The following KDM1B variants were observed in gnomAD, a reference collection of about 807,000 sequenced individuals.
KDM1B encodes the protein lysine-specific histone demethylase 2.
Under a neutral mutation model 107.4 loss-of-function variants are expected in KDM1B, and 63 were observed. The ratio of observed to expected loss-of-function variants is 0.59; its 90% confidence interval spans 0.48 to 0.72. The LOEUF is 0.72. Ranked by LOEUF, KDM1B falls within the 30% of genes least tolerant of loss-of-function variation. The pLI is 0.00. For missense variants in KDM1B, 749 were observed against 1,020.8 expected, an observed-to-expected ratio of 0.73 and a Z score of 3.63; for synonymous variants, 363 against 363.9, an observed-to-expected ratio of 1.00 and a Z score of 0.03.
chr6:18,193,297 T>G (rs1234739880), intron 10 of KDM1B, among the ~76,000 whole-genome samples: 2 of 140,578 alleles, frequency 1.4e-5, no homozygotes, highest in South Asian at 2.2e-4. Context: ...ATGTGTGCTT[T>G]CTTTTTTTTT....
intron 10 of KDM1B, among the ~76,000 whole-genome samples, chr6:18,195,426 T>G (rs1787576718): frequency 6.6e-6 from 1 of 152,142 alleles, no homozygotes; most frequent in Non-Finnish European, 1.5e-5. Context: ...CAATCTGATG[T>G]TTTGAAATAC....
rs55965342 is a variant in KDM1B, at chr6:18,193,357, A to T, written c.969+1976A>T. 2.7e-3 allele frequency among the ~76,000 whole-genome samples: 344 copies of T among 127,736 alleles called. 2 individuals are homozygous for T. Among genetic ancestry groups the T allele is most frequent in the African/African-American group, 9.9e-3 (324 of 32,712 alleles). 83.8% of individuals were successfully genotyped at this position (127,736 alleles called of 152,430 possible). On this transcript the variant is annotated intron_variant, in intron 10 of 21. Transcript: ENST00000650836. ...CTTGTTCTGTTGCCCAGGCTGGAGTACAGTGGCACCATCACAGCTCACTAC... is the reference window on the plus strand; with the variant it reads ...CTTGTTCTGTTGCCCAGGCTGGAGTTCAGTGGCACCATCACAGCTCACTAC...
In KDM1B at chr6:18,209,462, T is replaced by C. The variant is rs964095605; in HGVS notation, c.1866+1256T>C. Among the ~76,000 whole-genome samples the C allele has an allele frequency of 6.6e-6, 1 of 152,118 alleles. No individual in the cohort carries two copies. The highest frequency in any genetic ancestry group is 1.5e-5 in the Non-Finnish European group (1 of 68,024). ...GGAATGAGTTAGTCGGGGCAGGGGA[T>C]CCTAACATTATTCCTGCCATTAACC... On this transcript the variant is annotated intron_variant, in intron 17 of 21. Coordinates refer to ENST00000650836, the MANE Select transcript of KDM1B (RefSeq NM_001364614.2). This position sits in a 1 kb window ranked among gnomAD's most constrained non-coding sequence, Gnocchi z 4.3.
Position 18,215,064 on chromosome 6 carries a change from A to G in KDM1B, c.2167A>G (p.Thr723Ala). 2 of 1,614,004 alleles carry G rather than the reference A, an allele frequency of 1.2e-6. No homozygotes were observed. Among genetic ancestry groups the G allele is most frequent in the Non-Finnish European group, 1.7e-6 (2 of 1,179,986 alleles). ...CGGGGAGGCTGTCGCATCCGTGAGG[A>G]CCCTGGATGACAAACAGGTGCTGCA... ...IAGEAVASVR[T>A]LDDKQVLQQC... is the part of the protein sequence containing the mutation. Residue 723 changes from threonine (T) to alanine (A), a missense_variant, in exon 20 of 22, where the codon ACC becomes GCC. Transcript: ENST00000650836.
chr6:18,173,472 A>G (rs1274255947), intron 7 of KDM1B, among the ~76,000 whole-genome samples: 1 of 151,972 alleles, frequency 6.6e-6, no homozygotes, highest in African/African-American at 2.4e-5. Flanking sequence ...TCATTTTCTG[A>G]ATAGGTCTTT....
chr6:18,206,725 T>G (rs1471291982), intron 15 of KDM1B, among the ~76,000 whole-genome samples: 1 of 152,118 alleles, frequency 6.6e-6, no homozygotes, highest in East Asian at 1.9e-4. Flanking sequence ...GCACCAGGAC[T>G]TGTCTCTTTA....
In KDM1B at chr6:18,197,271, A is replaced by G. The variant is rs748195980; in HGVS notation, c.1146+38A>G. On this transcript the variant is annotated intron_variant, in intron 11 of 21. Coordinates refer to ENST00000650836, the MANE Select transcript of KDM1B (RefSeq NM_001364614.2). This position sits in a 1 kb window ranked among gnomAD's most constrained non-coding sequence, Gnocchi z 4.5. The stretch of plus-strand genomic sequence containing the variant: ...AGCTTTAGCGATAGCCTTGCCATTG[A>G]TCAGGACAAACGCTAGTCTGTTGCT... 3 of 1,571,968 alleles carry G rather than the reference A, an allele frequency of 1.9e-6. No individual in the cohort carries two copies. The highest frequency in any genetic ancestry group is 1.1e-5 in the South Asian group (1 of 89,482).
At chr6:18,167,218 G>A (rs902102883) in intron 6 of KDM1B, among the ~76,000 whole-genome samples, 3 of 151,688 alleles carry the variant, frequency 2.0e-5, no homozygotes, top group South Asian at 2.1e-4. Flanking sequence ...TTAGCCGGGC[G>A]TGGTGGCGCG....
chr6:18,187,708 A>G, intron 8 of KDM1B, 84 bp from the exon 9 acceptor site: 2 of 904,682 alleles, frequency 2.2e-6, no homozygotes, highest in East Asian at 2.7e-5. Context: ...AGTGAAACGA[A>G]GAGAACCCTC....
Position 18,185,855 on chromosome 6 carries a change from G to GA in KDM1B, c.573+46dup, listed in dbSNP as rs777905684. On this transcript the variant is annotated intron_variant, in intron 8 of 21. Transcript: ENST00000650836. The stretch of plus-strand genomic sequence containing the variant: ...GTGGATTGGGGTTAATTGTGCCTTT[G>GA]ATGATAAGTGTTACAAGGAAATGAT... The GA allele has an allele frequency of 1.2e-5, 18 of 1,559,746 alleles. No individual in the cohort carries two copies. The East Asian group carries it at 3.8e-4, about 33-fold the overall frequency.
Position 18,171,424 on chromosome 6 carries a change from CTCCACAGATAGCCAAGACTT to C in KDM1B, c.480_499del (p.Pro161SerfsTer11). 6.2e-7 allele frequency: 1 copy of C among 1,613,704 alleles called. No individual in the cohort carries two copies. Among genetic ancestry groups the C allele is most frequent in the Non-Finnish European group, 8.5e-7 (1 of 1,179,610 alleles). On this transcript the variant is annotated frameshift_variant, in exon 7 of 22. Coordinates refer to ENST00000650836, the MANE Select transcript of KDM1B (RefSeq NM_001364614.2). LOFTEE classifies it high-confidence loss of function. ...CAGCTTACCAAGGAAATCCAGCTTA[CTCCACAGATAGCCAAGACTT>C]ATCGATGCGGTATGAAACCAAATAC...
intron 20 of KDM1B, among the ~76,000 whole-genome samples, chr6:18,215,341 C>T (rs1381800940): frequency 6.6e-6 from 1 of 152,224 alleles, no homozygotes; most frequent in East Asian, 1.9e-4. Context: ...CTGCCTTAGA[C>T]AACAGAAACT....
chr6:18,175,526 G>A (rs894290106), intron 7 of KDM1B, among the ~76,000 whole-genome samples: 1 of 152,136 alleles, frequency 6.6e-6, no homozygotes, highest in Non-Finnish European at 1.5e-5. Flanking sequence ...TTGGATTTGG[G>A]TTCTTGGTCA....
At chr6:18,188,145 G>T in intron 9 of KDM1B, 143 bp downstream of exon 9, 3 of 743,550 alleles carry the variant, frequency 4.0e-6, no homozygotes. Flanking sequence ...AGCACTTTGG[G>T]TGGCCGAGGC....
intron 7 of KDM1B, among the ~76,000 whole-genome samples, chr6:18,185,182 G>A (rs991569522): frequency 6.6e-6 from 1 of 152,094 alleles, no homozygotes; most frequent in East Asian, 1.9e-4. Context: ...AAAAGATAAT[G>A]TCAAATGATT....
Position 18,221,964 on chromosome 6 carries a change from G to A in KDM1B, c.2441G>A (p.Arg814Gln). Residue 814 changes from arginine (R) to glutamine (Q), a missense_variant, in exon 22 of 22, where the codon CGA (arginine) becomes CAA (glutamine). By Grantham distance (43) the Arg-to-Gln change is conservative. Transcript: ENST00000650836. ...TVTGAYLSGV[R>Q]EASKIAAF ...ACAGGGGCATATTTGAGTGGCGTTCGAGAAGCAAGCAAGATTGCAGCATTT... is the reference window on the plus strand; with the variant it reads ...ACAGGGGCATATTTGAGTGGCGTTCAAGAAGCAAGCAAGATTGCAGCATTT... 6.2e-7 allele frequency: 1 copy of A among 1,613,960 alleles called. No homozygotes were observed. The highest frequency in any genetic ancestry group is 8.5e-7 in the Non-Finnish European group (1 of 1,179,908).
chr6:18,191,218 T>TC lies in KDM1B; in HGVS notation c.808dup (p.Gln270ProfsTer8). On this transcript the variant is annotated frameshift_variant, in exon 10 of 22. Transcript: ENST00000650836. LOFTEE classifies it high-confidence loss of function. This position sits in a 1 kb window ranked among gnomAD's most constrained non-coding sequence, Gnocchi z 5.1. ...TCAGTTCCAGGCATGAACCGATACT[T>TC]CCAGCCTTTCTACCAGCCCAATGAG... 1 of 1,550,588 alleles carries TC rather than the reference T, an allele frequency of 6.4e-7. No homozygotes were observed. The highest frequency in any genetic ancestry group is 8.7e-7 in the Non-Finnish European group (1 of 1,147,006).
Position 18,213,624 on chromosome 6 carries a change from A to G in KDM1B, c.1984-32A>G, listed in dbSNP as rs895297262. The stretch of plus-strand genomic sequence containing the variant: ...TGCCTGTGGTTTTGTGACGACAGAC[A>G]CCTAACCACCTTTCTTCTGCTCACT... On this transcript the variant is annotated intron_variant, in intron 18 of 21. Coordinates refer to ENST00000650836, the MANE Select transcript of KDM1B (RefSeq NM_001364614.2). The surrounding 1 kb of genome is among the most constrained non-coding windows in gnomAD (Gnocchi z 5.9). 4.3e-6 allele frequency: 7 copies of G among 1,612,864 alleles called. No individual in the cohort carries two copies. In the African/African-American group the frequency reaches 6.7e-5, roughly 15 times the overall value.
In KDM1B at chr6:18,209,865, G is replaced by A. The variant is rs1788703176; in HGVS notation, c.1866+1659G>A. ...GACCTTTTCTGTAAGCTCTTAATAG[G>A]TTTTGCCTGGTGGTAAACAGTGTTT... On this transcript the variant is annotated intron_variant, in intron 17 of 21. Transcript: ENST00000650836. The surrounding 1 kb of genome is among the most constrained non-coding windows in gnomAD (Gnocchi z 4.3). 6.6e-6 allele frequency among the ~76,000 whole-genome samples: 1 copy of A among 152,136 alleles called. No individual in the cohort carries two copies. Among genetic ancestry groups the A allele is most frequent in the Admixed American group, 6.5e-5 (1 of 15,268 alleles).
Sources: gnomAD v4.1 joint callset for allele counts (sites outside exome capture counted in the v4.1 genomes callset) on GRCh38, gnomAD v4.1.1 for gene constraint, Gnocchi (gnomAD v3.1) non-coding constraint, MANE v1.5 for transcripts, NCBI Gene and HGNC (gene_info 2026-07-23, HGNC 2026-07-21) for gene names.